Variants in PKHD1 observed in about 807,000 individuals in gnomAD.
The protein encoded by PKHD1 is fibrocystin.
A neutral mutation model predicts 412.0 loss-of-function variants in PKHD1; 291 were observed. The ratio of observed to expected loss-of-function variants is 0.71; its 90% CI spans 0.64 to 0.78. The LOEUF (loss-of-function observed/expected upper bound fraction) is 0.78, where lower values mean the gene tolerates loss of function less well. PKHD1 is among the 30% of genes least tolerant of loss of function. The pLI, the probability that PKHD1 is intolerant of heterozygous loss-of-function variation, is 0.00. For missense variants in PKHD1, 4,825 were observed against 4,950.7 expected, an observed-to-expected ratio of 0.97 and a Z score of 0.76; for synonymous variants, 1,777 against 1,821.5, an observed-to-expected ratio of 0.98 and a Z score of 0.62.
chr6:52,071,226 T>C lies in PKHD1; in HGVS notation c.603-156A>G, dbSNP rs374391527. ...TAATGAGTTCATTAGGGCAAATGCT[T>C]AGGGTAATACTAACTAGTATTACCC... On this transcript the variant is annotated intron_variant, in intron 8 of 66. Coordinates refer to ENST00000371117, the MANE Select transcript of PKHD1 (RefSeq NM_138694.4). 6.6e-5 allele frequency among the ~76,000 whole-genome samples: 10 copies of C among 151,548 alleles called. No homozygotes were observed. In the East Asian group the frequency reaches 9.9e-4, roughly 15 times the overall value.
In PKHD1 at chr6:51,692,289, A is replaced by ACACACACACC. The variant is rs1366295251; in HGVS notation, c.10157-32321_10157-32320insGGTGTGTGTG. 6.4e-3 allele frequency among the ~76,000 whole-genome samples: 974 copies of ACACACACACC among 151,142 alleles called. 12 individuals are homozygous for ACACACACACC. The highest frequency in any genetic ancestry group is 0.023 in the African/African-American group (930 of 41,102). On this transcript the variant is annotated intron_variant, in intron 60 of 66. Coordinates refer to ENST00000371117, the MANE Select transcript of PKHD1 (RefSeq NM_138694.4). ...CACACACACACACACACACACACAC[A>ACACACACACC]CCACTGAGTTCTGTGTCATTTGGTG...
At chr6:52,035,026 A>G (rs2499475) in intron 28 of PKHD1, among the ~76,000 whole-genome samples, 98,836 of 151,948 alleles carry the variant, frequency 0.65, 33,346 homozygotes, top group Non-Finnish European at 0.75. Flanking sequence ...CCAGGGAAGG[A>G]CCCAGACTCA....
chr6:51,888,229 T>C (rs552543963), intron 43 of PKHD1, among the ~76,000 whole-genome samples: 8 of 152,356 alleles, frequency 5.3e-5, no homozygotes, highest in Non-Finnish European at 1.0e-4. Context: ...TATTTCTTTA[T>C]AGGTCTTACT....
chr6:51,646,263 C>T (rs1263986264), intron 63 of PKHD1, among the ~76,000 whole-genome samples: 5 of 152,152 alleles, frequency 3.3e-5, no homozygotes, highest in Non-Finnish European at 4.4e-5. Context: ...ATACACAATC[C>T]TACCCATAAG....
Position 51,690,271 on chromosome 6 carries a change from C to CAAAA in PKHD1, c.10157-30306_10157-30303dup, listed in dbSNP as rs70977310. ...TGGGTGACAGAGTGAGACTCCATCT[C>CAAAA]AAAAAAAAAAAAAAAAAAAAAAAAA... On this transcript the variant is annotated intron_variant, in intron 60 of 66. Transcript: ENST00000371117. Among the ~76,000 whole-genome samples, 204 of 109,892 alleles carry CAAAA rather than the reference C, an allele frequency of 1.9e-3. 3 individuals are homozygous for CAAAA. Among genetic ancestry groups the CAAAA allele is most frequent in the Non-Finnish European group, 3.1e-3 (171 of 54,392 alleles). The allele number at this position is 109,892 out of a possible 152,430, so 72.1% of individuals were successfully genotyped here. A position where few individuals can be genotyped will look rare whatever the true frequency, so the allele number is the denominator to read the frequency against.
At position 51,619,078 on chromosome 6, in the gene PKHD1, T is replaced by A. The variant is rs765681328; in HGVS notation, c.*3A>T. The A allele has an allele frequency of 6.2e-7, 1 of 1,613,804 alleles. No individual in the cohort carries two copies. Among genetic ancestry groups the A allele is most frequent in the Non-Finnish European group, 8.5e-7 (1 of 1,179,804 alleles). ...TCAGGCCAAATGCCCCCAACTTCCC[T>A]GATCACAGTTGCTCCTGAATAGTTT... On this transcript the variant is annotated 3_prime_UTR_variant, in exon 67 of 67. Coordinates refer to ENST00000371117, the MANE Select transcript of PKHD1 (RefSeq NM_138694.4).
chr6:51,935,075 C>G (rs111457441), intron 36 of PKHD1, among the ~76,000 whole-genome samples: 201 of 152,324 alleles, frequency 1.3e-3, no homozygotes, highest in African/African-American at 4.7e-3. Context: ...GCATCAAATG[C>G]TTTGATTCCT....
At chr6:51,975,947 A>G (rs1354919700) in intron 35 of PKHD1, 1 of 131,918 alleles carries the variant, frequency 7.6e-6, no homozygotes, top group African/African-American at 2.8e-5. Context: ...TAACATAGCG[A>G]GACCCTTTCT....
At chr6:52,034,537 T>A (rs996604805) in intron 28 of PKHD1, among the ~76,000 whole-genome samples, 1 of 152,168 alleles carries the variant, frequency 6.6e-6, no homozygotes, top group Admixed American at 6.5e-5. Context: ...AACCCAGTAT[T>A]GGCCAAAGTG....
chr6:51,918,544 A>C (rs547325987), intron 37 of PKHD1, among the ~76,000 whole-genome samples: 7 of 152,200 alleles, frequency 4.6e-5, no homozygotes, highest in African/African-American at 1.7e-4. Context: ...TTATGGCTGC[A>C]TAGTATTCCA....
At chr6:51,890,582 G>A (rs150679186) in intron 43 of PKHD1, among the ~76,000 whole-genome samples, 6 of 151,740 alleles carry the variant, frequency 4.0e-5, no homozygotes, top group South Asian at 2.1e-4. Context: ...TTAAGGCACC[G>A]GAGGTAGTGT....
In PKHD1 at chr6:52,053,082, C is replaced by A; in HGVS notation, c.2134G>T (p.Val712Leu). 6.2e-7 allele frequency: 1 copy of A among 1,613,878 alleles called. No individual in the cohort carries two copies. The highest frequency in any genetic ancestry group is 8.5e-7 in the Non-Finnish European group (1 of 1,179,836). The change falls in exon 21 of 67, where the codon GTA (valine) becomes TTA (leucine). Residue 712 changes from valine to leucine, a missense_variant. Coordinates refer to ENST00000371117, the MANE Select transcript of PKHD1 (RefSeq NM_138694.4). ...VDEIIIADTN[V>L]TVSQADSGTA... ...GAGAGAATTTGATGATTACCTGTTA[C>A]GTTTGTGTCTGCAATAATAATTTCA...
chr6:51,815,845 C>T (rs1259037139), intron 52 of PKHD1, among the ~76,000 whole-genome samples: 2 of 152,188 alleles, frequency 1.3e-5, no homozygotes, highest in Non-Finnish European at 2.9e-5. Flanking sequence ...ATTTCAGATT[C>T]ATAGTCAGCC....
In PKHD1 at chr6:51,862,504, C is replaced by T. The variant is rs575406588; in HGVS notation, c.7733+5359G>A. 5.3e-5 allele frequency among the ~76,000 whole-genome samples: 8 copies of T among 152,178 alleles called. No homozygotes were observed. The South Asian group carries it at 1.2e-3, about 24-fold the overall frequency. The stretch of plus-strand genomic sequence containing the variant: ...GACTGAAAAGATACCATTAGTGATG[C>T]CATGCCTATTTATCCCTAGGAAGGA... On this transcript the variant is annotated intron_variant, in intron 48 of 66. Coordinates refer to ENST00000371117, the MANE Select transcript of PKHD1 (RefSeq NM_138694.4).
intron 36 of PKHD1, among the ~76,000 whole-genome samples, chr6:51,951,017 A>C (rs1202348136): frequency 6.6e-6 from 1 of 152,192 alleles, no homozygotes; most frequent in Admixed American, 6.5e-5. Flanking sequence ...AAACTCATTA[A>C]GGTAACCTTA....
intron 66 of PKHD1, chr6:51,622,645 G>A (rs1305900388): frequency 1.3e-5 from 2 of 152,142 alleles, no homozygotes; most frequent in Non-Finnish European, 2.9e-5. Context: ...GACAATTGAG[G>A]AGGCATAAAA....
chr6:52,042,740 A>T, intron 27 of PKHD1, 119 bp downstream of exon 27: 1 of 919,816 alleles, frequency 1.1e-6, no homozygotes, highest in South Asian at 1.4e-5. Flanking sequence ...TATGTCAGTA[A>T]ACAAAAGACA....
chr6:51,751,125 T>G (rs1223553613), intron 57 of PKHD1, among the ~76,000 whole-genome samples: 1 of 152,176 alleles, frequency 6.6e-6, no homozygotes, highest in Non-Finnish European at 1.5e-5. Context: ...TTTTTCCTTT[T>G]GAAAATCACT....
intron 40 of PKHD1, 75 bp from the exon 41 acceptor site, chr6:51,906,415 A>G: frequency 9.0e-7 from 1 of 1,115,204 alleles, no homozygotes; most frequent in Non-Finnish European, 1.4e-6. Flanking sequence ...AGCAACCTAC[A>G]CTGTAGCTAA....
Sources: allele counts gnomAD v4.1 joint callset (sites outside exome capture counted in the v4.1 genomes callset), GRCh38; gene constraint gnomAD v4.1.1; transcripts MANE v1.5; gene names NCBI Gene and HGNC (gene_info 2026-07-23, HGNC 2026-07-21).